Variants in DYNC1I1 observed in about 807,000 individuals in gnomAD.
DYNC1I1 encodes dynein cytoplasmic 1 intermediate chain 1.
Under a neutral mutation model 86.6 loss-of-function variants are expected in DYNC1I1, and 43 were observed. The observed-to-expected ratio is 0.50, with a 90% confidence interval of 0.39 to 0.64. The LOEUF (loss-of-function observed/expected upper bound fraction) is 0.64, where lower values mean the gene tolerates loss of function less well. DYNC1I1 is among the 30% of genes least tolerant of loss of function. DYNC1I1 has a pLI of 0.00. For synonymous variants in DYNC1I1, 262 were observed against 283.7 expected (o/e 0.92, Z 0.77); for missense variants, 604 against 788.8 (o/e 0.77, Z 2.81).
At chr7:95,968,824 CTGTGTGTGTG>C (rs56022930) in intron 6 of DYNC1I1, among the ~76,000 whole-genome samples, 218 of 94,410 alleles carry the variant, frequency 2.3e-3, no homozygotes, top group African/African-American at 7.5e-3. Flanking sequence ...ATTTTTTGCT[CTGTGTGTGTG>C]TGTGTGTGTG....
chr7:95,935,022 T>A (rs1230467403), intron 6 of DYNC1I1, among the ~76,000 whole-genome samples: 2 of 151,696 alleles, frequency 1.3e-5, no homozygotes, highest in African/African-American at 4.8e-5. Context: ...CAACAAAAAT[T>A]TGTACCATAA....
chr7:95,955,389 C>T (rs1225644601), intron 6 of DYNC1I1, among the ~76,000 whole-genome samples: 3 of 152,018 alleles, frequency 2.0e-5, no homozygotes, highest in African/African-American at 7.2e-5. Context: ...AAAATGCAGT[C>T]GTAGCTCGCT....
Position 95,987,137 on chromosome 7 carries a change from T to C in DYNC1I1, c.825T>C (p.Cys275=). Residue 275 remains cysteine, a synonymous_variant, in exon 9 of 17, where the codon TGT becomes TGC. Coordinates refer to ENST00000447467, the MANE Select transcript of DYNC1I1 (RefSeq NM_001135556.2). Reference sequence around the variant, plus strand: ...GGTCCAAGCATCGAGTGGTCACTTGTATGGACTGGTCCCTCCAGGTAAGAA... The same window carrying C: ...GGTCCAAGCATCGAGTGGTCACTTGCATGGACTGGTCCCTCCAGGTAAGAA... The part of the protein sequence containing the change: ...EHWSKHRVVT[C]MDWSLQYPEL... 1 of 1,613,934 alleles carries C rather than the reference T, an allele frequency of 6.2e-7. No homozygotes were observed. Among genetic ancestry groups the C allele is most frequent in the Non-Finnish European group, 8.5e-7 (1 of 1,179,850 alleles).
intron 4 of DYNC1I1, among the ~76,000 whole-genome samples, chr7:95,823,435 T>C (rs1213234468): frequency 6.6e-6 from 1 of 152,238 alleles, no homozygotes; most frequent in Non-Finnish European, 1.5e-5. Context: ...TTTCAGCTCA[T>C]ATTTATTCAA....
In DYNC1I1 at chr7:96,088,949, A is replaced by G. The variant is rs183120212; in HGVS notation, c.1776+8461A>G. Among the ~76,000 whole-genome samples, 160 of 152,284 alleles carry G rather than the reference A, an allele frequency of 1.1e-3. 1 individual carries two copies. Among genetic ancestry groups the G allele is most frequent in the African/African-American group, 3.7e-3 (155 of 41,576 alleles). On this transcript the variant is annotated intron_variant, in intron 16 of 16. Coordinates refer to ENST00000447467, the MANE Select transcript of DYNC1I1 (RefSeq NM_001135556.2). ...CCAAACTGCTAACATTGTAAAAGCA[A>G]TTTCATACTTTTAACCTAGTAGATA...
intron 6 of DYNC1I1, among the ~76,000 whole-genome samples, chr7:95,891,251 A>G (rs1318400324): frequency 6.6e-6 from 1 of 152,192 alleles, no homozygotes; most frequent in Non-Finnish European, 1.5e-5. Flanking sequence ...GAAGAAATAT[A>G]TTTCCGATGT....
At position 95,964,141 on chromosome 7, in the gene DYNC1I1, T is replaced by A. The variant is rs1366188577; in HGVS notation, c.491-13371T>A. Among the ~76,000 whole-genome samples the A allele has an allele frequency of 2.6e-5, 4 of 152,330 alleles. No homozygotes were observed. In the East Asian group the frequency reaches 7.7e-4, roughly 29 times the overall value. On this transcript the variant is annotated intron_variant, in intron 6 of 16. Coordinates refer to ENST00000447467, the MANE Select transcript of DYNC1I1 (RefSeq NM_001135556.2). The stretch of plus-strand genomic sequence containing the variant: ...ATCTTCCTTGAGAATCTGACTGTGA[T>A]GAATTTTGATGAATTCCCAGATGGA...
At chr7:96,089,120 A>C (rs1023144593) in intron 16 of DYNC1I1, among the ~76,000 whole-genome samples, 3 of 151,790 alleles carry the variant, frequency 2.0e-5, no homozygotes, top group African/African-American at 7.3e-5. Context: ...AAAGTGAATA[A>C]ATAAATAAGA....
chr7:95,787,474 G>T lies in DYNC1I1; in HGVS notation c.-10+14701G>T, dbSNP rs79006536. 3.2e-4 allele frequency among the ~76,000 whole-genome samples: 48 copies of T among 152,266 alleles called. 1 individual carries two copies. The East Asian group carries it at 8.7e-3, about 28-fold the overall frequency. On this transcript the variant is annotated intron_variant, in intron 1 of 16. Transcript: ENST00000447467. ...GAGGGCACCAAAACAAAGCAAAAGG[G>T]TTGAGAGGGAGGGTGGGGAAACAGA...
chr7:95,960,754 G>A (rs1209984011), intron 6 of DYNC1I1, among the ~76,000 whole-genome samples: 1 of 152,210 alleles, frequency 6.6e-6, no homozygotes, highest in Non-Finnish European at 1.5e-5. Context: ...TGCAGAGCAG[G>A]TAAGGAAGCT....
chr7:95,782,868 T>G (rs1794028789), intron 1 of DYNC1I1, among the ~76,000 whole-genome samples: 1 of 152,100 alleles, frequency 6.6e-6, no homozygotes, highest in Non-Finnish European at 1.5e-5. Flanking sequence ...CTGTGGCCAG[T>G]CAGCTCTCTG....
chr7:95,876,885 A>G (rs1790323163), intron 6 of DYNC1I1, among the ~76,000 whole-genome samples: 1 of 152,188 alleles, frequency 6.6e-6, no homozygotes, highest in Non-Finnish European at 1.5e-5. Context: ...GATAACAACA[A>G]CAAAACCGCA....
chr7:95,986,363 G>A (rs1031285714), intron 8 of DYNC1I1, among the ~76,000 whole-genome samples: 4 of 152,148 alleles, frequency 2.6e-5, no homozygotes, highest in Admixed American at 2.0e-4. Flanking sequence ...TCAGCTTGTG[G>A]AGCAGCTGCA....
chr7:95,792,379 C>T (rs1047197320), intron 1 of DYNC1I1, among the ~76,000 whole-genome samples: 11 of 152,152 alleles, frequency 7.2e-5, no homozygotes, highest in South Asian at 2.1e-4. Flanking sequence ...TCTCTCTGAC[C>T]GTCCCCTCCC....
At chr7:95,846,621 C>CTGTGTGTGTGTGTGTGTG (rs750813234) in intron 5 of DYNC1I1, among the ~76,000 whole-genome samples, 18 of 120,376 alleles carry the variant, frequency 1.5e-4, no homozygotes, top group South Asian at 3.0e-4. Flanking sequence ...TGATAAATCT[C>CTGTGTGTGTGTGTGTGTG]TCTCTCTGTG....
At chr7:95,944,696 A>G (rs531531472) in intron 6 of DYNC1I1, among the ~76,000 whole-genome samples, 1 of 152,312 alleles carries the variant, frequency 6.6e-6, no homozygotes, top group Non-Finnish European at 1.5e-5. Flanking sequence ...ATGCAGCCAT[A>G]AAAATGATGA....
intron 5 of DYNC1I1, among the ~76,000 whole-genome samples, chr7:95,842,862 A>T (rs1409383189): frequency 1.3e-5 from 2 of 149,088 alleles, no homozygotes; most frequent in Non-Finnish European, 3.0e-5. Context: ...CATGTTTGGT[A>T]ATTTTTTATT....
intron 6 of DYNC1I1, among the ~76,000 whole-genome samples, chr7:95,885,140 T>C (rs1421424767): frequency 1.3e-5 from 2 of 152,170 alleles, no homozygotes; most frequent in Non-Finnish European, 2.9e-5. Flanking sequence ...TGGCATGTCA[T>C]TTTAGAATTC....
intron 7 of DYNC1I1, among the ~76,000 whole-genome samples, chr7:95,981,212 A>C (rs928182748): frequency 3.3e-5 from 5 of 152,062 alleles, no homozygotes; most frequent in African/African-American, 1.2e-4. Context: ...AGAGGGAAAA[A>C]AATCACAAGA....
Sources: gnomAD v4.1 joint callset for allele counts (sites outside exome capture counted in the v4.1 genomes callset) on GRCh38, gnomAD v4.1.1 for gene constraint, MANE v1.5 for transcripts, NCBI Gene and HGNC (gene_info 2026-07-23, HGNC 2026-07-21) for gene names.